AFAP1L1: variants seen among roughly 807,000 people sequenced by gnomAD.
AFAP1L1 encodes the protein actin filament associated protein 1 like 1.
In AFAP1L1, 77 loss-of-function variants were observed where a neutral mutation model predicts 99.8. The ratio of observed to expected loss-of-function variants is 0.77; its 90% CI spans 0.64 to 0.93. The LOEUF is 0.93. Among genes scored for constraint, AFAP1L1 ranks in the 40% least tolerant of loss-of-function variants. The pLI, the probability that AFAP1L1 is intolerant of heterozygous loss-of-function variation, is 0.00. For synonymous variants in AFAP1L1, 373 were observed against 395.3 expected (o/e 0.94, Z 0.67); for missense variants, 893 against 996.8 (o/e 0.90, Z 1.40).
chr5:149,340,460 AC>A lies in AFAP1L1; in HGVS notation c.*432del, dbSNP rs1040383077. ...TGGTGGTGCAGTGTAAAGAGACAAG[AC>A]CTGATCATCTGATCACACTTGTGCC... On this transcript the variant is annotated 3_prime_UTR_variant, in exon 19 of 19. Coordinates refer to ENST00000296721, the MANE Select transcript of AFAP1L1 (RefSeq NM_152406.4). 1 of 167,198 alleles carries A rather than the reference AC, an allele frequency of 6.0e-6. No homozygotes were observed. Among genetic ancestry groups the A allele is most frequent in the Non-Finnish European group, 1.3e-5 (1 of 76,462 alleles). 10.4% of individuals were successfully genotyped at this position (167,198 alleles called of 1,614,324 possible). A position where few individuals can be genotyped will look rare whatever the true frequency, so the allele number is the denominator to read the frequency against.
At chr5:149,311,882 A>C (rs1756640041) in intron 8 of AFAP1L1, among the ~76,000 whole-genome samples, 1 of 152,212 alleles carries the variant, frequency 6.6e-6, no homozygotes, top group Non-Finnish European at 1.5e-5. Context: ...AATTAGCAAT[A>C]AGCCTCTTGG....
intron 14 of AFAP1L1, among the ~76,000 whole-genome samples, chr5:149,321,142 G>A (rs1756941068): frequency 6.6e-6 from 1 of 152,200 alleles, no homozygotes. Flanking sequence ...CTCTGTCTTG[G>A]ACAGTGCTGC....
At chr5:149,309,822 C>A in intron 7 of AFAP1L1, 134 bp from the exon 8 acceptor site, 1 of 1,089,060 alleles carries the variant, frequency 9.2e-7, no homozygotes, top group Non-Finnish European at 1.3e-6. Flanking sequence ...TATCCTCACA[C>A]AGTGCCCATG....
intron 1 of AFAP1L1, among the ~76,000 whole-genome samples, chr5:149,273,903 C>T (rs1755223336): frequency 3.3e-5 from 5 of 152,114 alleles, no homozygotes; most frequent in Admixed American, 3.3e-4. Flanking sequence ...GTGGAAAGTG[C>T]ACTGTGTCAT....
chr5:149,284,368 C>A (rs1755614160), intron 1 of AFAP1L1, among the ~76,000 whole-genome samples: 1 of 152,200 alleles, frequency 6.6e-6, no homozygotes, highest in Non-Finnish European at 1.5e-5. Context: ...TTTTGTTTAA[C>A]CCCCTGAGTT....
Position 149,310,047 on chromosome 5 carries a change from A to G in AFAP1L1, c.839A>G (p.Lys280Arg), listed in dbSNP as rs765391733. 1.2e-6 allele frequency: 2 copies of G among 1,614,240 alleles called. No homozygotes were observed. Among genetic ancestry groups the G allele is most frequent in the Admixed American group, 3.3e-5 (2 of 60,032 alleles). Residue 280 changes from lysine (K) to arginine (R), a missense_variant, in exon 8 of 19, where the codon AAG becomes AGG. Coordinates refer to ENST00000296721, the MANE Select transcript of AFAP1L1 (RefSeq NM_152406.4). ...IIYVPKDSRH[K>R]RHELRFTQGA... ...TACGTGCCCAAGGACAGCCGGCACA[A>G]GAGGCACGAGCTGCGTTTCACCCAG...
At chr5:149,277,632 A>C (rs1011175568) in intron 1 of AFAP1L1, among the ~76,000 whole-genome samples, 1 of 152,206 alleles carries the variant, frequency 6.6e-6, no homozygotes, top group African/African-American at 2.4e-5. Flanking sequence ...TTTGATCCAA[A>C]CATATGTCAT....
At chr5:149,283,401 C>T (rs904914205) in intron 1 of AFAP1L1, among the ~76,000 whole-genome samples, 1 of 151,900 alleles carries the variant, frequency 6.6e-6, no homozygotes, top group Admixed American at 6.6e-5. Flanking sequence ...GTGGCCTAGT[C>T]AAAGTTTTGG....
Position 149,332,713 on chromosome 5 carries a change from TG to T in AFAP1L1, c.1996del (p.Glu666LysfsTer23). 6.2e-7 allele frequency: 1 copy of T among 1,613,338 alleles called. No individual in the cohort carries two copies. Among genetic ancestry groups the T allele is most frequent in the Non-Finnish European group, 8.5e-7 (1 of 1,179,844 alleles). On this transcript the variant is annotated frameshift_variant, in exon 17 of 19. Coordinates refer to ENST00000296721, the MANE Select transcript of AFAP1L1 (RefSeq NM_152406.4). LOFTEE classifies it high-confidence loss of function. ...RSSPGAKLKALEEAVATLEAQ... is the reference protein window; with the variant it reads ...RSSPGAKLKAXEEAVATLEAQ... ...GATTCAGGAGCAAAATTAAAGGCTC[TG>T]GAAGAAGCCGTGGCCACCCTGGAAG...
In AFAP1L1 at chr5:149,340,284, T is replaced by C. The variant is rs913729229; in HGVS notation, c.*254T>C. 2.4e-5 allele frequency: 11 copies of C among 460,874 alleles called. No individual in the cohort carries two copies. In the South Asian group the frequency reaches 3.1e-4, roughly 13 times the overall value. The allele number at this position is 460,874 out of a possible 1,614,324, so 28.5% of individuals were successfully genotyped here. A position where few individuals can be genotyped will look rare whatever the true frequency, so the allele number is the denominator to read the frequency against. ...AAATGAGGATGGAGGGATACAGAAG[T>C]CTGCACAGCTGTAAAGGTTTTATAG... On this transcript the variant is annotated 3_prime_UTR_variant, in exon 19 of 19. Transcript: ENST00000296721.
At chr5:149,298,498 T>C (rs1756085646) in intron 1 of AFAP1L1, among the ~76,000 whole-genome samples, 1 of 152,208 alleles carries the variant, frequency 6.6e-6, no homozygotes, top group Non-Finnish European at 1.5e-5. Flanking sequence ...TCATCCTCCA[T>C]GTAATGAAGA....
At chr5:149,273,845 C>A (rs1231511518) in intron 1 of AFAP1L1, among the ~76,000 whole-genome samples, 1 of 151,926 alleles carries the variant, frequency 6.6e-6, no homozygotes, top group Non-Finnish European at 1.5e-5. Context: ...AAATACCAAC[C>A]TGTCTGATCT....
intron 1 of AFAP1L1, among the ~76,000 whole-genome samples, chr5:149,290,115 C>A (rs1223671744): frequency 6.6e-6 from 1 of 152,204 alleles, no homozygotes; most frequent in Non-Finnish European, 1.5e-5. Flanking sequence ...CGCCTGTAGT[C>A]CAAGCTACTC....
At chr5:149,275,446 T>TTCTTCTTCTTCTTCCTCTTCC (rs1379200513) in intron 1 of AFAP1L1, among the ~76,000 whole-genome samples, 10 of 149,488 alleles carry the variant, frequency 6.7e-5, no homozygotes, top group African/African-American at 2.4e-4. Flanking sequence ...CTGGTGTTTC[T>TTCTTCTTCTTCTTCCTCTTCC]TCTTCTTCTT....
At chr5:149,291,266 C>G (rs577534768) in intron 1 of AFAP1L1, among the ~76,000 whole-genome samples, 5 of 152,044 alleles carry the variant, frequency 3.3e-5, no homozygotes, top group Admixed American at 6.5e-5. Flanking sequence ...GGGTGCCTCA[C>G]GCCTGTAATC....
Position 149,332,395 on chromosome 5 carries a change from C to CA in AFAP1L1, c.1976-290dup, listed in dbSNP as rs35764548. On this transcript the variant is annotated intron_variant, in intron 16 of 18. Coordinates refer to ENST00000296721, the MANE Select transcript of AFAP1L1 (RefSeq NM_152406.4). ...TGGGCGACAGAGCGAGACTCCGTCT[C>CA]AAAAAAAAAAGACAGAATGAGAGGG... is the stretch of plus-strand genomic sequence containing the variant. Among the ~76,000 whole-genome samples the CA allele has an allele frequency of 6.6e-4, 100 of 150,456 alleles. No homozygotes were observed. The East Asian group carries it at 0.017, about 26-fold the overall frequency.
chr5:149,315,792 G>A, intron 9 of AFAP1L1, 29 bp from the exon 10 acceptor site: 1 of 1,604,950 alleles, frequency 6.2e-7, no homozygotes, highest in Non-Finnish European at 8.5e-7. Flanking sequence ...TGTGCCCTCT[G>A]ATGAGGGACT....
In AFAP1L1 at chr5:149,332,892, A is replaced by G. The variant is rs1757298288; in HGVS notation, c.2154+19A>G. On this transcript the variant is annotated intron_variant, in intron 17 of 18. Transcript: ENST00000296721. ...GAGTGGGGTGAGTCCAGGCCCTTCCATGCCAGGGGCAGCTACTCCTATGTC... is the reference window on the plus strand; with the variant it reads ...GAGTGGGGTGAGTCCAGGCCCTTCCGTGCCAGGGGCAGCTACTCCTATGTC... The G allele has an allele frequency of 6.5e-7, 1 of 1,546,782 alleles. No homozygotes were observed. The highest frequency in any genetic ancestry group is 8.7e-7 in the Non-Finnish European group (1 of 1,149,994).
chr5:149,280,048 A>G (rs1755467261), intron 1 of AFAP1L1, among the ~76,000 whole-genome samples: 1 of 152,216 alleles, frequency 6.6e-6, no homozygotes, highest in Non-Finnish European at 1.5e-5. Context: ...GTAGGTGCTC[A>G]ATAAATGTCT....
Sources: allele counts gnomAD v4.1 joint callset (sites outside exome capture counted in the v4.1 genomes callset), GRCh38; gene constraint gnomAD v4.1.1; transcripts MANE v1.5; gene names NCBI Gene and HGNC (gene_info 2026-07-23, HGNC 2026-07-21).